Variants in MTMR8 observed in about 807,000 individuals in gnomAD.
MTMR8 encodes the protein phosphatidylinositol-3,5-bisphosphate 3-phosphatase MTMR8.
Under a neutral mutation model 39.3 loss-of-function variants are expected in MTMR8, and 65 were observed. The ratio of observed to expected loss-of-function variants is 1.65; its 90% CI spans 1.35 to 2.03. The LOEUF is 2.03. Ranked by LOEUF, MTMR8 falls within the 30% of genes most tolerant of loss-of-function variation. The probability of loss-of-function intolerance (pLI) is 0.00; values close to 1 mark genes in which losing one functional copy is unlikely to be tolerated. For missense variants in MTMR8, 777 were observed against 538.9 expected, an observed-to-expected ratio of 1.44 and a Z score of -4.37; for synonymous variants, 245 against 185.2, an observed-to-expected ratio of 1.32 and a Z score of -2.62.
chrX:64,383,018 C>G (rs1188595688), intron 1 of MTMR8, among the ~76,000 whole-genome samples: 1 of 111,138 alleles, frequency 9.0e-6, no homozygotes, highest in Non-Finnish European at 1.9e-5. Context: ...CCCTTAAATA[C>G]AGAAACAACA....
intron 12 of MTMR8, among the ~76,000 whole-genome samples, chrX:64,286,665 A>T (rs1921190145): frequency 8.9e-6 from 1 of 112,050 alleles, no homozygotes; most frequent in African/African-American, 3.2e-5. Context: ...AATGTACACA[A>T]ATCAATAAAC....
intron 1 of MTMR8, among the ~76,000 whole-genome samples, chrX:64,368,298 C>T (rs1924032885): frequency 9.0e-6 from 1 of 111,575 alleles, no homozygotes; most frequent in African/African-American, 3.3e-5. Context: ...CCCGCATTGC[C>T]AAGACAATCG....
In MTMR8 at chrX:64,322,443, C is replaced by G. The variant is rs188922018; in HGVS notation, c.1481+6329G>C. On this transcript the variant is annotated intron_variant, in intron 12 of 13. Coordinates refer to ENST00000374852, the MANE Select transcript of MTMR8 (RefSeq NM_017677.4). ...TAGAATGAGTTTGGATGTATTGTCTCCCTTCAATTTTGTTGACTAGTTTGA... is the reference window on the plus strand; with the variant it reads ...TAGAATGAGTTTGGATGTATTGTCTGCCTTCAATTTTGTTGACTAGTTTGA... Among the ~76,000 whole-genome samples the G allele has an allele frequency of 2.7e-5, 3 of 111,817 alleles. No homozygotes were observed. In the South Asian group the frequency reaches 1.1e-3, roughly 42 times the overall value.
chrX:64,276,748 T>C (rs1931879551), intron 12 of MTMR8, among the ~76,000 whole-genome samples: 1 of 111,947 alleles, frequency 8.9e-6, no homozygotes, highest in Admixed American at 9.5e-5. Context: ...GAGAAGAATG[T>C]ATATTCTGTT....
intron 12 of MTMR8, among the ~76,000 whole-genome samples, chrX:64,311,499 T>C (rs1922298270): frequency 8.9e-6 from 1 of 111,994 alleles, no homozygotes; most frequent in Admixed American, 9.5e-5. Context: ...TTTAGTTTAA[T>C]TAGATCCCAT....
In MTMR8 at chrX:64,280,281, T is replaced by C. The variant is rs763537751; in HGVS notation, c.1482-9208A>G. Among the ~76,000 whole-genome samples the C allele has an allele frequency of 1.9e-3, 215 of 112,036 alleles. 1 individual carries two copies. Among genetic ancestry groups the C allele is most frequent in the Non-Finnish European group, 2.5e-3 (133 of 53,222 alleles). On this transcript the variant is annotated intron_variant, in intron 12 of 13. Transcript: ENST00000374852. ...TTCAGGCCAATATCCCTGATGAACA[T>C]TGATGCAAAAATCCTCAATAAAATA... is the stretch of plus-strand genomic sequence containing the variant.
rs190123076 is a variant in MTMR8 at position 64,372,427 on chromosome X, T to A, written c.25-12900A>T. Among the ~76,000 whole-genome samples the A allele has an allele frequency of 7.2e-5, 8 of 111,540 alleles. No individual in the cohort carries two copies. The Admixed American group carries it at 7.7e-4, about 11-fold the overall frequency. ...CTTTGTGTAACTATCAGCACAATCA[T>A]GATACATACATACATACCACAAAAC... is the stretch of plus-strand genomic sequence containing the variant. On this transcript the variant is annotated intron_variant, in intron 1 of 13. Coordinates refer to ENST00000374852, the MANE Select transcript of MTMR8 (RefSeq NM_017677.4).
chrX:64,311,947 A>C (rs1267615410), intron 12 of MTMR8, among the ~76,000 whole-genome samples: 2 of 111,011 alleles, frequency 1.8e-5, no homozygotes, highest in African/African-American at 6.6e-5. Flanking sequence ...TGATGCCTCC[A>C]GCTTTGTTCT....
chrX:64,280,139 T>C (rs1283922103), intron 12 of MTMR8, among the ~76,000 whole-genome samples: 1 of 112,107 alleles, frequency 8.9e-6, no homozygotes, highest in Non-Finnish European at 1.9e-5. Flanking sequence ...AATGGTACCA[T>C]TCCTTCTGAA....
chrX:64,338,747 A>G (rs914500308), intron 8 of MTMR8, among the ~76,000 whole-genome samples: 5 of 111,981 alleles, frequency 4.5e-5, no homozygotes, highest in African/African-American at 1.3e-4. Flanking sequence ...AGCTACTAAA[A>G]TCGTGGAAGT....
chrX:64,303,797 C>G (rs748552569), intron 12 of MTMR8, among the ~76,000 whole-genome samples: 2 of 112,361 alleles, frequency 1.8e-5, no homozygotes, highest in Non-Finnish European at 3.8e-5. Flanking sequence ...TTAAATACAG[C>G]ATGGTATTCT....
chrX:64,295,779 G>A (rs1302484822), intron 12 of MTMR8, among the ~76,000 whole-genome samples: 1 of 111,581 alleles, frequency 9.0e-6, no homozygotes, highest in African/African-American at 3.3e-5. Context: ...CACTAGGATG[G>A]ATACTATCCA....
At chrX:64,331,303 A>T in intron 11 of MTMR8, 1 of 368,126 alleles carries the variant, frequency 2.7e-6, no homozygotes, top group East Asian at 4.8e-5. Flanking sequence ...GGCCTTGTAC[A>T]TCCATTATTT....
chrX:64,332,359 G>A (rs1192762366), intron 10 of MTMR8, among the ~76,000 whole-genome samples: 1 of 111,122 alleles, frequency 9.0e-6, no homozygotes, highest in Non-Finnish European at 1.9e-5. Flanking sequence ...AATGAACACG[G>A]CACTCTCAGT....
chrX:64,309,154 C>T (rs767068237), intron 12 of MTMR8, among the ~76,000 whole-genome samples: 2 of 111,862 alleles, frequency 1.8e-5, no homozygotes, highest in Non-Finnish European at 3.8e-5. Context: ...AAGTAACTTA[C>T]TAAGATTTTG....
chrX:64,280,685 A>G (rs1225142181), intron 12 of MTMR8, among the ~76,000 whole-genome samples: 3 of 111,654 alleles, frequency 2.7e-5, no homozygotes, highest in Admixed American at 1.9e-4. Flanking sequence ...ATAGTACTGG[A>G]AGTTCCAGCC....
At chrX:64,306,526 G>A (rs2147206207) in intron 12 of MTMR8, 1 of 132,993 alleles carries the variant, frequency 7.5e-6, no homozygotes, top group South Asian at 2.5e-4. Context: ...ATAGCTACTA[G>A]AGAGGTATTT....
chrX:64,335,218 G>A (rs968866412), intron 10 of MTMR8, among the ~76,000 whole-genome samples: 5 of 109,407 alleles, frequency 4.6e-5, no homozygotes, highest in African/African-American at 6.7e-5. Flanking sequence ...TGCAACCTCC[G>A]CCTCCCGGGT....
intron 13 of MTMR8, among the ~76,000 whole-genome samples, chrX:64,270,519 G>C (rs1333199074): frequency 8.9e-6 from 1 of 112,345 alleles, no homozygotes; most frequent in East Asian, 2.8e-4. Context: ...TCAATAAGCA[G>C]AGTTTGCAGT....
Sources: gnomAD v4.1 joint callset for allele counts (sites outside exome capture counted in the v4.1 genomes callset) on GRCh38, gnomAD v4.1.1 for gene constraint, MANE v1.5 for transcripts, NCBI Gene and HGNC (gene_info 2026-07-23, HGNC 2026-07-21) for gene names.